Variants in PRSS23 observed in about 807,000 individuals in gnomAD.
PRSS23 encodes the protein serine protease 23.
In PRSS23, 25 loss-of-function variants were observed where a neutral mutation model predicts 34.7. The ratio of observed to expected loss-of-function variants is 0.72; its 90% CI spans 0.53 to 1.01. The LOEUF (loss-of-function observed/expected upper bound fraction) is 1.01. PRSS23 is among the 50% of genes least tolerant of loss of function. PRSS23 has a pLI of 0.00. For synonymous variants in PRSS23, 176 were observed against 186.6 expected (o/e 0.94, Z 0.46); for missense variants, 445 against 475.6 (o/e 0.94, Z 0.60).
chr11:86,926,701 G>C (rs1949084172), intron 2 of PRSS23, among the ~76,000 whole-genome samples: 1 of 152,118 alleles, frequency 6.6e-6, no homozygotes. Context: ...ACCTCCATTA[G>C]GGTTACACTC....
intron 1 of PRSS23, among the ~76,000 whole-genome samples, chr11:86,792,471 A>G (rs1947957654): frequency 6.6e-6 from 1 of 152,154 alleles, no homozygotes; most frequent in Non-Finnish European, 1.5e-5. Flanking sequence ...CACCTCCATA[A>G]GTAGCCACTT....
intron 1 of PRSS23, among the ~76,000 whole-genome samples, chr11:86,804,775 A>G (rs994916013): frequency 2.0e-5 from 3 of 152,228 alleles, no homozygotes; most frequent in African/African-American, 7.2e-5. Context: ...TCATTTTGCC[A>G]AAGAATACAT....
intron 2 of PRSS23, among the ~76,000 whole-genome samples, chr11:86,931,440 A>G (rs1949125154): frequency 6.6e-6 from 1 of 152,176 alleles, no homozygotes; most frequent in Admixed American, 6.5e-5. Flanking sequence ...CACACACACA[A>G]CATGAATGAG....
intron 2 of PRSS23, among the ~76,000 whole-genome samples, chr11:86,889,461 A>G (rs1296676873): frequency 6.6e-6 from 1 of 152,204 alleles, no homozygotes; most frequent in Non-Finnish European, 1.5e-5. Context: ...TCTGCATCCA[A>G]AATGGTGCTG....
At chr11:86,823,342 T>G in intron 1 of PRSS23, 4 of 699,140 alleles carry the variant, frequency 5.7e-6, no homozygotes, top group Non-Finnish European at 1.0e-5. Context: ...AGCCAGGACT[T>G]TGAACTTGCT....
chr11:86,913,386 AG>A (rs1199350848), intron 2 of PRSS23, among the ~76,000 whole-genome samples: 1 of 144,642 alleles, frequency 6.9e-6, no homozygotes, highest in Non-Finnish European at 1.5e-5. Flanking sequence ...CATAGCCTTC[AG>A]GTTTGTATTG....
intron 2 of PRSS23, among the ~76,000 whole-genome samples, chr11:86,915,897 A>G (rs1167471195): frequency 6.6e-6 from 1 of 152,020 alleles, no homozygotes; most frequent in African/African-American, 2.4e-5. Flanking sequence ...CTAAAAAAAT[A>G]CAAAAAAGTT....
At chr11:86,824,499 T>G (rs1303905635) in intron 2 of PRSS23, among the ~76,000 whole-genome samples, 1 of 151,434 alleles carries the variant, frequency 6.6e-6, no homozygotes, top group Non-Finnish European at 1.5e-5. Context: ...ATTAGTATAC[T>G]TTAAGTTTTA....
upstream of PRSS23, chr11:86,800,365 G>A: frequency 1.2e-6 from 1 of 846,928 alleles, no homozygotes; most frequent in Non-Finnish European, 1.4e-6. Context: ...AGGCCCTCTG[G>A]GCTGCTCCAC....
intron 2 of PRSS23, among the ~76,000 whole-genome samples, chr11:86,878,768 G>A (rs1948744193): frequency 6.6e-6 from 1 of 151,422 alleles, no homozygotes; most frequent in Admixed American, 6.6e-5. Context: ...TACCCAGTCT[G>A]GAAAGTGAGG....
At chr11:86,891,164 G>A (rs542855813) in intron 2 of PRSS23, among the ~76,000 whole-genome samples, 5 of 152,024 alleles carry the variant, frequency 3.3e-5, no homozygotes, top group African/African-American at 9.6e-5. Context: ...ATTTACAGCC[G>A]GCTCTCCACC....
chr11:86,838,295 C>A (rs1489584616), intron 2 of PRSS23, among the ~76,000 whole-genome samples: 1 of 152,118 alleles, frequency 6.6e-6, no homozygotes, highest in Non-Finnish European at 1.5e-5. Flanking sequence ...TAGCAAATAG[C>A]AGACCAGGAG....
chr11:86,849,092 A>C (rs1371738167), intron 2 of PRSS23, among the ~76,000 whole-genome samples: 2 of 152,186 alleles, frequency 1.3e-5, no homozygotes, highest in Non-Finnish European at 2.9e-5. Context: ...GTGCCAGCTC[A>C]TGCAATCACC....
At chr11:86,872,597 A>T (rs2508427) in intron 2 of PRSS23, among the ~76,000 whole-genome samples, 86,746 of 152,078 alleles carry the variant, frequency 0.57, 25,720 homozygotes, top group African/African-American at 0.74. Flanking sequence ...TTTTTCAAAC[A>T]TTATGAATTT....
intron 2 of PRSS23, among the ~76,000 whole-genome samples, chr11:86,837,959 T>C (rs2134899142): frequency 6.6e-6 from 1 of 151,902 alleles, no homozygotes; most frequent in Non-Finnish European, 1.5e-5. Context: ...GCACAGAGGG[T>C]GAACTGAAGT....
intron 1 of PRSS23, among the ~76,000 whole-genome samples, chr11:86,792,575 A>T (rs190660921): frequency 1.3e-5 from 2 of 152,340 alleles, no homozygotes; most frequent in Non-Finnish European, 2.9e-5. Context: ...ATGCAAACTC[A>T]TGGTATTCAA....
intron 2 of PRSS23, among the ~76,000 whole-genome samples, chr11:86,900,202 A>T (rs1237848483): frequency 1.3e-5 from 2 of 152,148 alleles, no homozygotes; most frequent in Non-Finnish European, 2.9e-5. Context: ...TTGATTTATT[A>T]TTTCCTCCTC....
At chr11:86,941,531 GT>G (rs1949207465) in intron 2 of PRSS23, among the ~76,000 whole-genome samples, 1 of 152,152 alleles carries the variant, frequency 6.6e-6, no homozygotes, top group Non-Finnish European at 1.5e-5. Context: ...CACATTTAGA[GT>G]TTTAAGCTTG....
chr11:86,833,070 G>C, intron 2 of PRSS23: 1 of 569,740 alleles, frequency 1.8e-6, no homozygotes. Context: ...ATAATATAGA[G>C]GGTGACAGAT....
Sources: gnomAD v4.1 joint callset for allele counts (sites outside exome capture counted in the v4.1 genomes callset) on GRCh38, gnomAD v4.1.1 for gene constraint, MANE v1.5 for transcripts, NCBI Gene and HGNC (gene_info 2026-07-23, HGNC 2026-07-21) for gene names.